CNKSR2: variants seen among roughly 807,000 people sequenced by gnomAD.
The protein encoded by CNKSR2 is CNK homolog protein 2.
Under a neutral mutation model 84.4 loss-of-function variants are expected in CNKSR2, and 14 were observed. The ratio of observed to expected loss-of-function variants is 0.17; its 90% CI spans 0.11 to 0.26. The LOEUF (loss-of-function observed/expected upper bound fraction) is 0.26. Among genes scored for constraint, CNKSR2 ranks in the 10% least tolerant of loss-of-function variants. The pLI, the probability that CNKSR2 is intolerant of heterozygous loss-of-function variation, is 1.00. For synonymous variants in CNKSR2, 275 were observed against 277.9 expected, an observed-to-expected ratio of 0.99 and a Z score of 0.10; for missense variants, 485 against 771.2, an observed-to-expected ratio of 0.63 and a Z score of 4.40.
chrX:21,582,856 T>C (rs1013984973), intron 13 of CNKSR2, among the ~76,000 whole-genome samples: 7 of 111,329 alleles, frequency 6.3e-5, no homozygotes, highest in Non-Finnish European at 1.1e-4. Context: ...ACATTACCAC[T>C]GTGTAGGAAC....
At chrX:21,619,972 C>T (rs1186550154) in intron 20 of CNKSR2, among the ~76,000 whole-genome samples, 1 of 110,749 alleles carries the variant, frequency 9.0e-6, no homozygotes, top group African/African-American at 3.3e-5. Flanking sequence ...ACTTTGAATT[C>T]TGTTATCTTT....
At chrX:21,524,057 G>A (rs1273279355) in intron 9 of CNKSR2, among the ~76,000 whole-genome samples, 1 of 109,859 alleles carries the variant, frequency 9.1e-6, no homozygotes, top group East Asian at 2.8e-4. Flanking sequence ...TTTTTAATAT[G>A]AGTCTCAAAA....
chrX:21,569,727 T>G lies in CNKSR2; in HGVS notation c.1608+6275T>G, dbSNP rs999770942. ...GCAGCTATAGCCTTACAAAATGTATTTCTTAAATAATAAGACTTGAAATTT... is the reference window on the plus strand; with the variant it reads ...GCAGCTATAGCCTTACAAAATGTATGTCTTAAATAATAAGACTTGAAATTT... On this transcript the variant is annotated intron_variant, in intron 13 of 21. Transcript: ENST00000379510. 3.6e-5 allele frequency among the ~76,000 whole-genome samples: 4 copies of G among 112,344 alleles called. No homozygotes were observed. In the South Asian group the frequency reaches 1.5e-3, roughly 41 times the overall value.
intron 1 of CNKSR2, among the ~76,000 whole-genome samples, chrX:21,385,436 G>A (rs1285858059): frequency 9.0e-6 from 1 of 111,726 alleles, no homozygotes; most frequent in African/African-American, 3.2e-5. Flanking sequence ...AATATTCAGA[G>A]GCAGAACTAA....
intron 4 of CNKSR2, among the ~76,000 whole-genome samples, chrX:21,441,842 TATG>T (rs2090788359): frequency 8.9e-6 from 1 of 111,976 alleles, no homozygotes; most frequent in Non-Finnish European, 1.9e-5. Context: ...TCTGAACAGT[TATG>T]ATGATGATTA....
At chrX:21,614,024 G>A (rs1329431402) in intron 20 of CNKSR2, among the ~76,000 whole-genome samples, 1 of 110,320 alleles carries the variant, frequency 9.1e-6, no homozygotes, top group Non-Finnish European at 1.9e-5. Flanking sequence ...AAATAAATAA[G>A]TAAAAAATCT....
intron 4 of CNKSR2, among the ~76,000 whole-genome samples, chrX:21,465,102 G>A (rs2091109925): frequency 8.9e-6 from 1 of 111,934 alleles, no homozygotes; most frequent in Admixed American, 9.5e-5. Context: ...AAGCCATTTA[G>A]GGCCAGGTAA....
intron 3 of CNKSR2, among the ~76,000 whole-genome samples, chrX:21,438,494 A>G (rs1017062096): frequency 3.6e-5 from 4 of 111,673 alleles, no homozygotes; most frequent in African/African-American, 9.8e-5. Context: ...AAGCCTTTGG[A>G]AAATAAATAA....
chrX:21,564,755 T>G (rs905843608), intron 13 of CNKSR2, among the ~76,000 whole-genome samples: 2 of 85,167 alleles, frequency 2.3e-5, no homozygotes, highest in Non-Finnish European at 4.1e-5. Flanking sequence ...TAGAAAAATG[T>G]TTTTTTTTTT....
At chrX:21,403,404 C>A (rs980994378) in intron 1 of CNKSR2, among the ~76,000 whole-genome samples, 1 of 111,591 alleles carries the variant, frequency 9.0e-6, no homozygotes, top group African/African-American at 3.3e-5. Flanking sequence ...CAGTTCTACC[C>A]TAAATTTTAT....
At chrX:21,490,322 C>G in intron 5 of CNKSR2, 137 bp from the exon 6 acceptor site, 1 of 552,826 alleles carries the variant, frequency 1.8e-6, no homozygotes, top group East Asian at 3.9e-5. Context: ...TTTCTTTGTA[C>G]AGATTTTACA....
chrX:21,394,144 G>C (rs1332819424), intron 1 of CNKSR2, among the ~76,000 whole-genome samples: 1 of 111,558 alleles, frequency 9.0e-6, no homozygotes, highest in African/African-American at 3.3e-5. Flanking sequence ...AATAGCTGAG[G>C]AATAATTAAT....
At chrX:21,494,275 T>C (rs772309567) in intron 6 of CNKSR2, 32 of 111,610 alleles carry the variant, frequency 2.9e-4, no homozygotes, top group African/African-American at 1.0e-3. Context: ...ATAGAATCAT[T>C]TAGGACTCTT....
At position 21,616,359 on chromosome X, in the gene CNKSR2, G is replaced by A. The variant is rs759642356; in HGVS notation, c.2692+6742G>A. Among the ~76,000 whole-genome samples the A allele has an allele frequency of 3.6e-5, 4 of 111,972 alleles. No individual in the cohort carries two copies. The East Asian group carries it at 1.1e-3, about 31-fold the overall frequency. The stretch of plus-strand genomic sequence containing the variant: ...CAGGCACTATTGAAAGAATGAATGA[G>A]TGAATGAATGAGTAATAGCTAACCC... On this transcript the variant is annotated intron_variant, in intron 20 of 21. Coordinates refer to ENST00000379510, the MANE Select transcript of CNKSR2 (RefSeq NM_014927.5).
intron 4 of CNKSR2, among the ~76,000 whole-genome samples, chrX:21,456,119 G>A (rs769293177): frequency 1.7e-4 from 19 of 111,491 alleles, no homozygotes; most frequent in Non-Finnish European, 1.9e-5. Context: ...CATACAACAT[G>A]ATGCTTTGAT....
At chrX:21,560,168 AC>A (rs2147184419) in intron 11 of CNKSR2, among the ~76,000 whole-genome samples, 1 of 111,473 alleles carries the variant, frequency 9.0e-6, no homozygotes, top group Non-Finnish European at 1.9e-5. Context: ...TGCTAGAAAT[AC>A]AAAAGGTGGT....
At chrX:21,481,923 T>C (rs376517447) in intron 5 of CNKSR2, among the ~76,000 whole-genome samples, 7 of 111,687 alleles carry the variant, frequency 6.3e-5, no homozygotes, top group East Asian at 5.7e-4. Flanking sequence ...GATTCTTCCC[T>C]ACTTACACCT....
At chrX:21,629,387 G>A (rs1210623025) in intron 20 of CNKSR2, among the ~76,000 whole-genome samples, 1 of 111,830 alleles carries the variant, frequency 8.9e-6, no homozygotes, top group South Asian at 3.8e-4. Context: ...CACTCTGTTG[G>A]TACCAGTTTA....
intron 8 of CNKSR2, among the ~76,000 whole-genome samples, chrX:21,515,589 G>A (rs1020899978): frequency 9.0e-6 from 1 of 111,197 alleles, no homozygotes; most frequent in Admixed American, 9.6e-5. Context: ...ACATTTTAAT[G>A]TGTTTCTTTA....
Sources: gnomAD v4.1 joint callset for allele counts (sites outside exome capture counted in the v4.1 genomes callset) on GRCh38, gnomAD v4.1.1 for gene constraint, MANE v1.5 for transcripts, NCBI Gene and HGNC (gene_info 2026-07-23, HGNC 2026-07-21) for gene names.